The following GALNT13 variants were observed in gnomAD, a reference collection of about 807,000 sequenced individuals.
GALNT13 encodes the protein polypeptide N-acetylgalactosaminyltransferase 13, also known as UDP-GalNAc:polypeptide N-acetylgalactosaminyltransferase 13.
A neutral mutation model predicts 64.2 loss-of-function variants in GALNT13; 28 were observed. That is an observed-to-expected ratio of 0.44 (90% confidence interval 0.32 to 0.60). The LOEUF is 0.60. Among genes scored for constraint, GALNT13 ranks in the 20% least tolerant of loss-of-function variants. The pLI, the probability that GALNT13 is intolerant of heterozygous loss-of-function variation, is 0.05. For missense variants in GALNT13, 577 were observed against 669.8 expected, an observed-to-expected ratio of 0.86 and a Z score of 1.53; for synonymous variants, 214 against 224.6, an observed-to-expected ratio of 0.95 and a Z score of 0.42.
chr2:153,164,878 A>G, the GALNT13 span, among the ~76,000 whole-genome samples: 2 of 152,164 alleles, frequency 1.3e-5, no homozygotes, highest in African/African-American at 4.8e-5. Flanking sequence ...TTGCCTGCCA[A>G]GGAGACTGCC....
the GALNT13 span, among the ~76,000 whole-genome samples, chr2:153,361,294 C>T: frequency 6.6e-6 from 1 of 152,216 alleles, no homozygotes; most frequent in South Asian, 2.1e-4. Flanking sequence ...ACCTAAAAGG[C>T]CAGAGTGCCT....
At chr2:153,590,184 C>T in the GALNT13 span, among the ~76,000 whole-genome samples, 1 of 151,982 alleles carries the variant, frequency 6.6e-6, no homozygotes, top group African/African-American at 2.4e-5. Context: ...TTATAGAAAA[C>T]ATTATCAGAG....
the GALNT13 span, among the ~76,000 whole-genome samples, chr2:153,654,285 A>G: frequency 1.3e-5 from 2 of 152,172 alleles, no homozygotes. Flanking sequence ...AAGACATACT[A>G]ACCAAATGCA....
chr2:153,628,447 G>A, the GALNT13 span, among the ~76,000 whole-genome samples: 1 of 151,902 alleles, frequency 6.6e-6, no homozygotes, highest in African/African-American at 2.4e-5. Context: ...AATGCTTCCA[G>A]TTTTTGCCCA....
intron 2 of GALNT13, among the ~76,000 whole-genome samples, chr2:153,937,707 T>A (rs894688721): frequency 4.6e-5 from 7 of 152,190 alleles, no homozygotes; most frequent in African/African-American, 1.7e-4. Flanking sequence ...ATAGTTGTAG[T>A]GGTGGAATTG....
At chr2:154,448,953 C>T (rs539566764) in intron 12 of GALNT13, among the ~76,000 whole-genome samples, 13 of 151,846 alleles carry the variant, frequency 8.6e-5, no homozygotes, top group Admixed American at 6.6e-5. Flanking sequence ...ACCACAGGTA[C>T]GTAACAAAAA....
At chr2:153,840,240 C>T in the GALNT13 span, among the ~76,000 whole-genome samples, 3 of 152,014 alleles carry the variant, frequency 2.0e-5, no homozygotes, top group Admixed American at 2.0e-4. Flanking sequence ...ACTGCTTTTC[C>T]CTCTGGGTTT....
At chr2:154,126,708 T>C (rs752661787) in intron 3 of GALNT13, among the ~76,000 whole-genome samples, 16 of 152,044 alleles carry the variant, frequency 1.1e-4, no homozygotes, top group Admixed American at 5.2e-4. Context: ...ATCCACAATC[T>C]TGAGATTTTG....
chr2:153,625,439 G>A, the GALNT13 span, among the ~76,000 whole-genome samples: 1 of 152,118 alleles, frequency 6.6e-6, no homozygotes, highest in Admixed American at 6.6e-5. Context: ...GACAGTTTAA[G>A]ATATCAGTAA....
chr2:153,533,994 C>A, the GALNT13 span, among the ~76,000 whole-genome samples: 1 of 151,878 alleles, frequency 6.6e-6, no homozygotes, highest in Non-Finnish European at 1.5e-5. Flanking sequence ...CACCTCTTGC[C>A]TCCCTGAGAG....
chr2:154,190,764 A>G (rs1686530938), intron 4 of GALNT13, among the ~76,000 whole-genome samples: 1 of 152,234 alleles, frequency 6.6e-6, no homozygotes, highest in African/African-American at 2.4e-5. Flanking sequence ...TTAACTACAT[A>G]TGTAATTGTA....
At chr2:154,356,096 T>A (rs1696733126) in intron 9 of GALNT13, among the ~76,000 whole-genome samples, 1 of 152,084 alleles carries the variant, frequency 6.6e-6, no homozygotes, top group Admixed American at 6.6e-5. Context: ...CTTTGATCAC[T>A]ATTCTATTGG....
chr2:153,723,839 T>G, the GALNT13 span, among the ~76,000 whole-genome samples: 78 of 151,046 alleles, frequency 5.2e-4, no homozygotes, highest in Admixed American at 1.8e-3. Context: ...TCCACGCTCA[T>G]GGGTAGGAAG....
At chr2:153,247,884 C>T in the GALNT13 span, among the ~76,000 whole-genome samples, 1 of 152,060 alleles carries the variant, frequency 6.6e-6, no homozygotes. Flanking sequence ...GGGGATATCA[C>T]CATTGATCCC....
the GALNT13 span, among the ~76,000 whole-genome samples, chr2:153,739,452 A>G: frequency 1.3e-5 from 2 of 150,832 alleles, no homozygotes; most frequent in Non-Finnish European, 3.0e-5. Flanking sequence ...AGATGCAGCT[A>G]GTTATGAGTA....
At chr2:153,276,600 G>T in the GALNT13 span, among the ~76,000 whole-genome samples, 9 of 152,034 alleles carry the variant, frequency 5.9e-5, no homozygotes, top group Admixed American at 1.3e-4. Flanking sequence ...TTCCTGTTCT[G>T]TTAATACAGT....
chr2:153,140,018 C>T, the GALNT13 span, among the ~76,000 whole-genome samples: 1 of 151,824 alleles, frequency 6.6e-6, no homozygotes, highest in Non-Finnish European at 1.5e-5. Context: ...TCCCACCAGC[C>T]CTTAAAAGCA....
intron 3 of GALNT13, among the ~76,000 whole-genome samples, chr2:153,963,731 CTGTGTG>C (rs58455059): frequency 0.12 from 11,520 of 100,124 alleles, 651 homozygotes; most frequent in Non-Finnish European, 0.14. Flanking sequence ...CTCTCTCTCT[CTGTGTG>C]TGTGTGTGTG....
At chr2:153,998,039 A>C (rs920856890) in intron 3 of GALNT13, among the ~76,000 whole-genome samples, 1 of 152,152 alleles carries the variant, frequency 6.6e-6, no homozygotes, top group Non-Finnish European at 1.5e-5. Context: ...TATCAGGTCT[A>C]TCATTGATGG....
Sources: gnomAD v4.1 joint callset for allele counts (sites outside exome capture counted in the v4.1 genomes callset) on GRCh38, gnomAD v4.1.1 for gene constraint, MANE v1.5 for transcripts, NCBI Gene and HGNC (gene_info 2026-07-23, HGNC 2026-07-21) for gene names.